NEGR1: variants seen among roughly 807,000 people sequenced by gnomAD.
NEGR1 encodes the protein neuronal growth regulator 1, also known as IgLON family member 4.
NEGR1 carries 10 observed loss-of-function variants against 40.9 expected under a neutral mutation model. That is an observed-to-expected ratio of 0.24 (90% confidence interval 0.15 to 0.42). The LOEUF (loss-of-function observed/expected upper bound fraction) is 0.42. NEGR1 is among the 10% of genes least tolerant of loss of function. The pLI is 1.00. For missense variants in NEGR1, 352 were observed against 438.9 expected (o/e 0.80, Z 1.77); for synonymous variants, 185 against 166.8 (o/e 1.11, Z -0.84).
chr1:71,923,772 C>CT (rs1645742713), intron 2 of NEGR1, among the ~76,000 whole-genome samples: 1 of 152,140 alleles, frequency 6.6e-6, no homozygotes, highest in African/African-American at 2.4e-5. Flanking sequence ...AGGTTGAGTC[C>CT]TTCTTCAGCA....
intron 1 of NEGR1, among the ~76,000 whole-genome samples, chr1:72,073,143 T>C (rs1647547203): frequency 6.6e-6 from 1 of 152,084 alleles, no homozygotes; most frequent in Admixed American, 6.6e-5. Context: ...GCTAACTTCA[T>C]GGGGAGCCAT....
intron 1 of NEGR1, among the ~76,000 whole-genome samples, chr1:71,937,191 A>G (rs1269020155): frequency 1.3e-5 from 2 of 152,220 alleles, no homozygotes; most frequent in East Asian, 3.9e-4. Flanking sequence ...AACGGAAGTC[A>G]TAAAGGTCAC....
intron 1 of NEGR1, among the ~76,000 whole-genome samples, chr1:72,022,158 T>C (rs191555052): frequency 2.0e-5 from 3 of 150,096 alleles, no homozygotes; most frequent in Admixed American, 6.7e-5. Flanking sequence ...TAAAAAAGAA[T>C]AGAAATAAGA....
At chr1:72,112,259 T>A (rs1436675209) in intron 1 of NEGR1, among the ~76,000 whole-genome samples, 1 of 138,182 alleles carries the variant, frequency 7.2e-6, no homozygotes, top group African/African-American at 2.9e-5. Context: ...TTGTACACTT[T>A]TACGTTTAAA....
At chr1:72,190,425 C>T (rs1397557830) in intron 1 of NEGR1, among the ~76,000 whole-genome samples, 1 of 151,422 alleles carries the variant, frequency 6.6e-6, no homozygotes, top group African/African-American at 2.4e-5. Flanking sequence ...ATGAAAAACG[C>T]TTACTGATAA....
At chr1:71,609,649 C>T (rs1054776773) in intron 5 of NEGR1, among the ~76,000 whole-genome samples, 30 of 143,794 alleles carry the variant, frequency 2.1e-4, no homozygotes, top group African/African-American at 7.4e-4. Flanking sequence ...ATTCCAGTTC[C>T]AGAAAAAAAT....
intron 2 of NEGR1, among the ~76,000 whole-genome samples, chr1:71,894,743 A>T (rs1484073323): frequency 3.3e-5 from 5 of 152,242 alleles, no homozygotes; most frequent in Middle Eastern, 3.4e-3. Flanking sequence ...TTTTATTTTT[A>T]AAAAAAGTGA....
At chr1:71,799,885 T>C (rs1169992702) in intron 2 of NEGR1, among the ~76,000 whole-genome samples, 3 of 152,132 alleles carry the variant, frequency 2.0e-5, no homozygotes, top group African/African-American at 4.8e-5. Context: ...GCTAATTTTT[T>C]GTATTTTTAG....
At chr1:71,460,396 C>G (rs1333600883) in intron 6 of NEGR1, among the ~76,000 whole-genome samples, 1 of 152,136 alleles carries the variant, frequency 6.6e-6, no homozygotes, top group Non-Finnish European at 1.5e-5. Flanking sequence ...GGTTCTTACT[C>G]ACAGCTCTGC....
chr1:72,070,521 A>T (rs763917788), intron 1 of NEGR1, among the ~76,000 whole-genome samples: 5 of 152,070 alleles, frequency 3.3e-5, no homozygotes, highest in Non-Finnish European at 7.4e-5. Flanking sequence ...AAATGATAAA[A>T]AATAGAGAGC....
intron 1 of NEGR1, among the ~76,000 whole-genome samples, chr1:72,222,170 A>C (rs1654034705): frequency 1.3e-5 from 2 of 152,066 alleles, no homozygotes; most frequent in South Asian, 4.1e-4. Context: ...GCCCCTATGG[A>C]AATAGGCTTC....
intron 1 of NEGR1, among the ~76,000 whole-genome samples, chr1:72,232,599 A>G (rs1344664068): frequency 6.6e-6 from 1 of 152,098 alleles, no homozygotes; most frequent in Admixed American, 6.6e-5. Flanking sequence ...AGGTTAAGCA[A>G]TATTTTTTTT....
chr1:72,250,869 AC>A (rs1655063143), intron 1 of NEGR1, among the ~76,000 whole-genome samples: 1 of 152,094 alleles, frequency 6.6e-6, no homozygotes, highest in Non-Finnish European at 1.5e-5. Flanking sequence ...TAAACAGCTC[AC>A]CCCCACTGGG....
At chr1:72,058,688 G>A (rs1033568613) in intron 1 of NEGR1, among the ~76,000 whole-genome samples, 6 of 151,522 alleles carry the variant, frequency 4.0e-5, no homozygotes, top group African/African-American at 9.7e-5. Context: ...ATTTATGCAA[G>A]GTAAGCTTTA....
At chr1:72,049,781 A>G (rs922294176) in intron 1 of NEGR1, among the ~76,000 whole-genome samples, 1 of 151,612 alleles carries the variant, frequency 6.6e-6, no homozygotes, top group Non-Finnish European at 1.5e-5. Context: ...GGCATACTGT[A>G]GGGCATTAAT....
At chr1:71,985,814 T>G (rs2100347561) in intron 1 of NEGR1, among the ~76,000 whole-genome samples, 1 of 152,300 alleles carries the variant, frequency 6.6e-6, no homozygotes, top group South Asian at 2.1e-4. Flanking sequence ...ATTAGGATAT[T>G]TAATAGGCTT....
At chr1:71,650,286 T>C (rs1651668747) in intron 4 of NEGR1, among the ~76,000 whole-genome samples, 1 of 152,174 alleles carries the variant, frequency 6.6e-6, no homozygotes. Context: ...TGCCAGCTCC[T>C]TTCTGGTTTG....
chr1:71,715,153 C>T (rs960362030), intron 3 of NEGR1, among the ~76,000 whole-genome samples: 3 of 152,228 alleles, frequency 2.0e-5, no homozygotes, highest in South Asian at 4.1e-4. Context: ...GGCTTGCACC[C>T]TCTGAAGCCC....
At chr1:72,208,579 A>G (rs1052332154) in intron 1 of NEGR1, among the ~76,000 whole-genome samples, 5 of 151,630 alleles carry the variant, frequency 3.3e-5, no homozygotes, top group African/African-American at 1.2e-4. Context: ...TGATTTAGAC[A>G]TGATCGGTAT....
Sources: gnomAD v4.1 joint callset for allele counts (sites outside exome capture counted in the v4.1 genomes callset) on GRCh38, gnomAD v4.1.1 for gene constraint, MANE v1.5 for transcripts, NCBI Gene and HGNC (gene_info 2026-07-23, HGNC 2026-07-21) for gene names.